The following NPC2 variants were observed in gnomAD, a reference collection of about 807,000 sequenced individuals.
NPC2 encodes the protein Niemann-Pick disease type C2 protein.
NPC2 carries 14 observed loss-of-function variants against 17.0 expected under a neutral mutation model. That is an observed-to-expected ratio of 0.82 (90% confidence interval 0.54 to 1.29). The LOEUF is 1.29. NPC2 is among the 50% of genes most tolerant of loss of function. NPC2 has a pLI of 0.00. For missense variants in NPC2, 167 were observed against 183.4 expected, an observed-to-expected ratio of 0.91 and a Z score of 0.52; for synonymous variants, 75 against 69.3, an observed-to-expected ratio of 1.08 and a Z score of -0.41.
At chr14:74,481,251 TAAA>T (rs1034128117) in intron 3 of NPC2, among the ~76,000 whole-genome samples, 1 of 152,350 alleles carries the variant, frequency 6.6e-6, no homozygotes, top group African/African-American at 2.4e-5. Context: ...TCTGGCTGTT[TAAA>T]AGAGTCTGGG....
intron 1 of NPC2, among the ~76,000 whole-genome samples, chr14:74,492,232 C>G (rs1325401482): frequency 6.6e-6 from 1 of 152,178 alleles, no homozygotes. Flanking sequence ...AAACTCCGGC[C>G]TCCCCCACAG....
At chr14:74,483,318 A>T in intron 3 of NPC2, 1 of 1,264,678 alleles carries the variant, frequency 7.9e-7, no homozygotes, top group Admixed American at 1.7e-5. Context: ...GACCTGGAAG[A>T]TGAGTGAGTA....
chr14:74,486,407 T>C lies in NPC2; in HGVS notation c.112A>G (p.Asn38Asp). The C allele has an allele frequency of 1.2e-6, 2 of 1,601,314 alleles. No homozygotes were observed. Among genetic ancestry groups the C allele is most frequent in the Non-Finnish European group, 1.7e-6 (2 of 1,173,588 alleles). ...GSVDGVIKEV[N>D]VSPCPTQPCQ... ...GGTTGGGTGGGGCATGGGCTCACAT[T>C]CACTTCCTTTATAACTCCATCCACA... The change falls in exon 2 of 5, where the codon AAT becomes GAT. Residue 38 changes from asparagine to aspartate, a missense_variant. Transcript: ENST00000555619.
chr14:74,485,306 A>C (rs2086700307), intron 2 of NPC2, among the ~76,000 whole-genome samples: 1 of 145,018 alleles, frequency 6.9e-6, no homozygotes, highest in Non-Finnish European at 1.5e-5. Context: ...AAAAAAAAAA[A>C]AAAAAAAAAA....
chr14:74,493,135 G>C lies in NPC2; in HGVS notation c.82+58C>G. ...CCCAGCCCCAGGGGTCTCAGCGCGG[G>C]GGTCCGGCGGGGCCTTCCACAGAGG... On this transcript the variant is annotated intron_variant, in intron 1 of 4. Coordinates refer to ENST00000555619, the MANE Select transcript of NPC2 (RefSeq NM_006432.5). This position sits in a 1 kb window ranked among gnomAD's most constrained non-coding sequence, Gnocchi z 4.1. The C allele has an allele frequency of 1.3e-6, 2 of 1,558,062 alleles. No individual in the cohort carries two copies.
rs548277376 is a variant in NPC2 at position 74,483,339 on chromosome 14, A to C, written c.363+1076T>G. ...GAAGATGAGTGAGTAGTTGGCAAAGAACAGGGCCAGAATTTAGCATGACAG... is the reference window on the plus strand; with the variant it reads ...GAAGATGAGTGAGTAGTTGGCAAAGCACAGGGCCAGAATTTAGCATGACAG... On this transcript the variant is annotated intron_variant, in intron 3 of 4. Coordinates refer to ENST00000555619, the MANE Select transcript of NPC2 (RefSeq NM_006432.5). The C allele has an allele frequency of 1.5e-5, 20 of 1,356,208 alleles. No homozygotes were observed. In the African/African-American group the frequency reaches 2.3e-4, roughly 16 times the overall value. 84.0% of individuals were successfully genotyped at this position (1,356,208 alleles called of 1,614,324 possible).
At chr14:74,485,301 A>C (rs2086700149) in intron 2 of NPC2, among the ~76,000 whole-genome samples, 1 of 44,964 alleles carries the variant, frequency 2.2e-5, no homozygotes, top group Non-Finnish European at 8.1e-5. Flanking sequence ...TCACAAAAAA[A>C]AAAAAAAAAA....
chr14:74,493,486 C>T (rs1308686653), upstream of NPC2: 2 of 1,138,570 alleles, frequency 1.8e-6, no homozygotes, highest in Non-Finnish European at 2.5e-6. This position sits in a 1 kb window ranked among gnomAD's most constrained non-coding sequence, Gnocchi z 4.1. Flanking sequence ...CCATGCCATC[C>T]CCTCAGAGGC....
intron 1 of NPC2, among the ~76,000 whole-genome samples, chr14:74,488,910 G>T (rs955487856): frequency 1.3e-5 from 2 of 152,150 alleles, no homozygotes; most frequent in Non-Finnish European, 2.9e-5. Flanking sequence ...ATTGGGAACT[G>T]CACCATTTTC....
rs1320515785 is a variant in NPC2 at position 74,486,177 on chromosome 14, C to G, written c.190+152G>C. 1.2e-5 allele frequency: 9 copies of G among 774,354 alleles called. No individual in the cohort carries two copies. In the East Asian group the frequency reaches 2.4e-4, roughly 21 times the overall value. The allele number at this position is 774,354 out of a possible 1,614,324, so 48.0% of individuals were successfully genotyped here. A position where few individuals can be genotyped will look rare whatever the true frequency, so the allele number is the denominator to read the frequency against. On this transcript the variant is annotated intron_variant, in intron 2 of 4. Transcript: ENST00000555619. ...CCTGCATGAGAAGGGTGTCCAAGGG[C>G]ACAGTGAACCCTAGCTTTGCATGAG...
Position 74,493,112 on chromosome 14 carries a change from C to A in NPC2, c.82+81G>T. 1 of 1,522,356 alleles carries A rather than the reference C, an allele frequency of 6.6e-7. No homozygotes were observed. Among genetic ancestry groups the A allele is most frequent in the Non-Finnish European group, 8.9e-7 (1 of 1,123,902 alleles). The allele number at this position is 1,522,356 out of a possible 1,614,324, so 94.3% of individuals were successfully genotyped here. A position where few individuals can be genotyped will look rare whatever the true frequency, so the allele number is the denominator to read the frequency against. On this transcript the variant is annotated intron_variant, in intron 1 of 4. Transcript: ENST00000555619. The surrounding 1 kb of genome is among the most constrained non-coding windows in gnomAD (Gnocchi z 4.1). ...GGCCGCCCGAGGGATCCGCCCAGCCCAGCCCCAGGGGTCTCAGCGCGGGGG... is the reference window on the plus strand; with the variant it reads ...GGCCGCCCGAGGGATCCGCCCAGCCAAGCCCCAGGGGTCTCAGCGCGGGGG...
Position 74,484,566 on chromosome 14 carries a change from T to C in NPC2, c.212A>G (p.Lys71Arg), listed in dbSNP as rs142075589. The C allele has an allele frequency of 3.9e-4, 624 of 1,614,042 alleles. No individual in the cohort carries two copies. The highest frequency in any genetic ancestry group is 4.8e-4 in the Non-Finnish European group (567 of 1,180,000). ...FTSNIQSKSS[K>R]AVVHGILMGV... is the part of the protein sequence containing the mutation. The stretch of plus-strand genomic sequence containing the variant: ...CATCAGGATGCCATGCACCACGGCC[T>C]TGCTGCTTTTAGACTGAATATCTAA... Residue 71 changes from lysine to arginine, a missense_variant, in exon 3 of 5, where the codon AAG (lysine) becomes AGG (arginine). Lys to Arg is a conservative substitution (Grantham distance 26, BLOSUM62 2). Transcript: ENST00000555619.
chr14:74,484,537 C>A lies in NPC2; in HGVS notation c.241G>T (p.Val81Phe), dbSNP rs772444418. 11 of 1,614,062 alleles carry A rather than the reference C, an allele frequency of 6.8e-6. No homozygotes were observed. The highest frequency in any genetic ancestry group is 4.5e-5 in the East Asian group (2 of 44,876). ...KAVVHGILMG[V>F]PVPFPIPEPD... ...TCAGGAATGGGAAAGGGAACTGGGA[C>A]GCCCATCAGGATGCCATGCACCACG... The change falls in exon 3 of 5, where the codon GTC (valine) becomes TTC (phenylalanine). Residue 81 changes from valine (V) to phenylalanine (F), a missense_variant. Val to Phe is a conservative substitution (Grantham distance 50). Transcript: ENST00000555619.
At chr14:74,493,454 C>T, upstream of NPC2, 1 of 1,416,986 alleles carries the variant, frequency 7.1e-7, no homozygotes, top group Admixed American at 2.0e-5. This position sits in a 1 kb window ranked among gnomAD's most constrained non-coding sequence, Gnocchi z 4.1. Context: ...CCCTCTCAGG[C>T]CCAGAAGCCT....
chr14:74,493,423 G>A, upstream of NPC2: 1 of 1,525,816 alleles, frequency 6.6e-7, no homozygotes, highest in Non-Finnish European at 8.9e-7. This position sits in a 1 kb window ranked among gnomAD's most constrained non-coding sequence, Gnocchi z 4.1. Flanking sequence ...CCCGCCCCCG[G>A]CTCCGGAAAG....
intron 1 of NPC2, among the ~76,000 whole-genome samples, chr14:74,488,001 C>T (rs1310986197): frequency 3.3e-5 from 5 of 152,120 alleles, no homozygotes; most frequent in African/African-American, 7.2e-5. Context: ...ACTTGGAAGC[C>T]CTTGTTACCG....
chr14:74,493,213 G>T lies in NPC2; in HGVS notation c.62C>A (p.Pro21Gln). ...LALSTAAQAE[P>Q]VQFKDCGSVD... ...CTCACCGCAGTCCTTGAACTGCACC[G>T]GTTCGGCCTGGGCAGCGGTGCTGAG... Residue 21 changes from proline to glutamine, a missense_variant, in exon 1 of 5, where the codon CCG becomes CAG. Pro to Gln is a moderately conservative substitution (Grantham distance 76). Transcript: ENST00000555619. The surrounding 1 kb of genome is among the most constrained non-coding windows in gnomAD (Gnocchi z 4.1). The T allele has an allele frequency of 1.2e-6, 2 of 1,612,058 alleles. No individual in the cohort carries two copies. Among genetic ancestry groups the T allele is most frequent in the Non-Finnish European group, 1.7e-6 (2 of 1,179,418 alleles).
At position 74,480,112 on chromosome 14, in the gene NPC2, C is replaced by G; in HGVS notation, c.*162G>C. The G allele has an allele frequency of 6.4e-7, 1 of 1,554,536 alleles. No individual in the cohort carries two copies. The highest frequency in any genetic ancestry group is 1.2e-5 in the South Asian group (1 of 84,738). On this transcript the variant is annotated 3_prime_UTR_variant, in exon 5 of 5. Coordinates refer to ENST00000555619, the MANE Select transcript of NPC2 (RefSeq NM_006432.5). Reference sequence around the variant, plus strand: ...GAGACATGAGACAACCACTGAGAACCAGCCACCCGGAGCTCAGTTTCTGCT... The same window carrying G: ...GAGACATGAGACAACCACTGAGAACGAGCCACCCGGAGCTCAGTTTCTGCT...
Position 74,484,465 on chromosome 14 carries a change from T to C in NPC2, c.313A>G (p.Lys105Glu). Residue 105 changes from lysine to glutamate, a missense_variant, in exon 3 of 5, where the codon AAG (lysine) becomes GAG (glutamate). By Grantham distance (56) the Lys-to-Glu change is moderately conservative (BLOSUM62 1). Transcript: ENST00000555619. ...SGINCPIQKD[K>E]TYSYLNKLPV... ...AGTTTATTCAGGTAGCTATAGGTCTTGTCTTTTTGGATAGGGCAGTTAATT... is the reference window on the plus strand; with the variant it reads ...AGTTTATTCAGGTAGCTATAGGTCTCGTCTTTTTGGATAGGGCAGTTAATT... The C allele has an allele frequency of 2.5e-6, 4 of 1,614,134 alleles. No individual in the cohort carries two copies. The highest frequency in any genetic ancestry group is 3.4e-6 in the Non-Finnish European group (4 of 1,180,026).
Sources: gnomAD v4.1 joint callset for allele counts (sites outside exome capture counted in the v4.1 genomes callset) on GRCh38, gnomAD v4.1.1 for gene constraint, Gnocchi (gnomAD v3.1) non-coding constraint, MANE v1.5 for transcripts, NCBI Gene and HGNC (gene_info 2026-07-23, HGNC 2026-07-21) for gene names.